ACVR1C: variants seen among roughly 807,000 people sequenced by gnomAD.
ACVR1C encodes activin receptor type-1C.
A neutral mutation model predicts 57.9 loss-of-function variants in ACVR1C; 23 were observed. The observed-to-expected ratio is 0.40, with a 90% CI of 0.29 to 0.56. ACVR1C has a LOEUF of 0.56. Among genes scored for constraint, ACVR1C ranks in the 20% least tolerant of loss-of-function variants. The probability of loss-of-function intolerance (pLI) is 0.50; values close to 1 mark genes in which losing one functional copy is unlikely to be tolerated. For synonymous variants in ACVR1C, 214 were observed against 215.3 expected (o/e 0.99, Z 0.05); for missense variants, 480 against 607.9 (o/e 0.79, Z 2.21).
intron 1 of ACVR1C, among the ~76,000 whole-genome samples, chr2:157,621,344 G>A (rs1682766118): frequency 6.6e-6 from 1 of 152,122 alleles, no homozygotes; most frequent in Non-Finnish European, 1.5e-5. Flanking sequence ...ATGAGGCAAT[G>A]GTAGCCCCTG....
intron 1 of ACVR1C, among the ~76,000 whole-genome samples, chr2:157,617,404 T>G (rs1200048464): frequency 2.0e-5 from 3 of 152,050 alleles, no homozygotes; most frequent in African/African-American, 7.2e-5. Flanking sequence ...AAACCTCACC[T>G]AATTGGCATT....
intron 2 of ACVR1C, among the ~76,000 whole-genome samples, chr2:157,585,206 G>T (rs1472271927): frequency 6.6e-6 from 1 of 152,090 alleles, no homozygotes; most frequent in Non-Finnish European, 1.5e-5. Flanking sequence ...AATGATAAAG[G>T]TTTGAGATTA....
chr2:157,554,232 A>AAAGAAAGAAAGAAAG (rs1486620755), intron 3 of ACVR1C, among the ~76,000 whole-genome samples: 2 of 132,346 alleles, frequency 1.5e-5, no homozygotes, highest in Admixed American at 1.4e-4. Flanking sequence ...AGAAAGAAAG[A>AAAGAAAGAAAGAAAG]AAGAAAGAAA....
chr2:157,549,690 A>T (rs559340195), intron 4 of ACVR1C, among the ~76,000 whole-genome samples: 49 of 152,214 alleles, frequency 3.2e-4, no homozygotes, highest in Non-Finnish European at 4.9e-4. Flanking sequence ...AGACTTTCTT[A>T]AAACGAAGAG....
intron 2 of ACVR1C, among the ~76,000 whole-genome samples, chr2:157,559,524 T>C (rs1181575525): frequency 6.6e-6 from 1 of 152,244 alleles, no homozygotes; most frequent in African/African-American, 2.4e-5. Flanking sequence ...TATTAATTTT[T>C]CTAGCAGGTT....
intron 1 of ACVR1C, among the ~76,000 whole-genome samples, chr2:157,611,582 G>A (rs1365760384): frequency 6.6e-6 from 1 of 152,216 alleles, no homozygotes; most frequent in Non-Finnish European, 1.5e-5. Flanking sequence ...TGTGGGCAAT[G>A]GCAACAGCAG....
chr2:157,565,091 T>A (rs536007738), intron 2 of ACVR1C, among the ~76,000 whole-genome samples: 1 of 152,056 alleles, frequency 6.6e-6, no homozygotes, highest in Non-Finnish European at 1.5e-5. Flanking sequence ...AACCTGCCCG[T>A]TCTGTACATG....
At chr2:157,576,381 T>C (rs1243661284) in intron 2 of ACVR1C, among the ~76,000 whole-genome samples, 1 of 151,822 alleles carries the variant, frequency 6.6e-6, no homozygotes, top group African/African-American at 2.4e-5. Context: ...AATTTTTGTA[T>C]TTTTAGTACA....
At chr2:157,542,636 A>C in intron 6 of ACVR1C, 70 bp downstream of exon 6, 5 of 1,506,258 alleles carry the variant, frequency 3.3e-6, no homozygotes, top group Non-Finnish European at 4.5e-6. Context: ...CCTCCTCCAC[A>C]CACATGAGGA....
chr2:157,620,703 G>T (rs1267390265), intron 1 of ACVR1C, among the ~76,000 whole-genome samples: 2 of 152,074 alleles, frequency 1.3e-5, no homozygotes, highest in African/African-American at 4.8e-5. Context: ...CACATCAGGA[G>T]AATTAGCATA....
At position 157,530,216 on chromosome 2, in the gene ACVR1C, T is replaced by C. The variant is rs552900085; in HGVS notation, c.*3702A>G. 4 of 152,280 alleles carry C rather than the reference T, an allele frequency of 2.6e-5. No individual in the cohort carries two copies. In the East Asian group the frequency reaches 7.7e-4, roughly 29 times the overall value. The allele number at this position is 152,280 out of a possible 1,614,324, so 9.4% of individuals were successfully genotyped here. ...TTTTATTCATTTGGTACTGCTACTT[T>C]CTTAATTTTCCAGTGGGAAATAAAA... On this transcript the variant is annotated 3_prime_UTR_variant, in exon 9 of 9. Coordinates refer to ENST00000243349, the MANE Select transcript of ACVR1C (RefSeq NM_145259.3).
rs566039465 is a variant in ACVR1C, at chr2:157,549,280, G to A, written c.775+882C>T. On this transcript the variant is annotated intron_variant, in intron 4 of 8. Transcript: ENST00000243349. ...CTTGGGAGGCTGAGGCAGGAGAATC[G>A]CTTGAACCCAGGAGGTGGAGGTTGC... Among the ~76,000 whole-genome samples the A allele has an allele frequency of 4.3e-4, 65 of 152,204 alleles. 1 individual carries two copies. Among genetic ancestry groups the A allele is most frequent in the South Asian group, 8.3e-4 (4 of 4,816 alleles).
intron 2 of ACVR1C, among the ~76,000 whole-genome samples, chr2:157,583,425 A>C (rs1045525365): frequency 8.5e-5 from 13 of 152,216 alleles, no homozygotes; most frequent in African/African-American, 2.9e-4. Context: ...TTAAAAGTTC[A>C]ATATTGTGAA....
rs533041643 is a variant in ACVR1C at position 157,573,909 on chromosome 2, A to G, written c.304+13278T>C. ...AGTAAGATACAAAATTGTATTAAAC[A>G]GAACAATTCAACTATGCTAAAATAT... On this transcript the variant is annotated intron_variant, in intron 2 of 8. Transcript: ENST00000243349. 1.6e-3 allele frequency among the ~76,000 whole-genome samples: 248 copies of G among 152,370 alleles called. 1 individual carries two copies. The highest frequency in any genetic ancestry group is 5.8e-3 in the African/African-American group (242 of 41,594).
chr2:157,622,254 GA>G (rs886574047), intron 1 of ACVR1C, among the ~76,000 whole-genome samples: 27 of 150,590 alleles, frequency 1.8e-4, no homozygotes, highest in Middle Eastern at 3.4e-3. Flanking sequence ...CACAGAAATA[GA>G]AAAAAAAATC....
At chr2:157,553,111 C>T (rs1310454622) in intron 3 of ACVR1C, among the ~76,000 whole-genome samples, 1 of 152,214 alleles carries the variant, frequency 6.6e-6, no homozygotes, top group Non-Finnish European at 1.5e-5. Flanking sequence ...TTTTGTTCCT[C>T]AGCATCTGAC....
At chr2:157,603,886 G>GAATT (rs2105142251) in intron 1 of ACVR1C, among the ~76,000 whole-genome samples, 1 of 152,098 alleles carries the variant, frequency 6.6e-6, no homozygotes, top group East Asian at 1.9e-4. Context: ...TATGTCTATT[G>GAATT]AATTAATGTT....
chr2:157,627,991 G>A (rs977708313), intron 1 of ACVR1C, among the ~76,000 whole-genome samples: 5 of 152,200 alleles, frequency 3.3e-5, no homozygotes, highest in Admixed American at 2.0e-4. Context: ...AGTAAAGATC[G>A]TACCTCGAAA....
intron 3 of ACVR1C, among the ~76,000 whole-genome samples, chr2:157,554,862 T>A (rs1188625387): frequency 6.6e-6 from 1 of 152,084 alleles, no homozygotes; most frequent in Non-Finnish European, 1.5e-5. Context: ...CACCTAGGGT[T>A]ACTCTTGTTC....
Sources: allele counts gnomAD v4.1 joint callset (sites outside exome capture counted in the v4.1 genomes callset), GRCh38; gene constraint gnomAD v4.1.1; transcripts MANE v1.5; gene names NCBI Gene and HGNC (gene_info 2026-07-23, HGNC 2026-07-21).